Variants in MAD1L1 observed in about 807,000 individuals in gnomAD.
The protein encoded by MAD1L1 is mitotic arrest deficient 1 like 1, also known as mitotic spindle assembly checkpoint protein MAD1.
MAD1L1 carries 95 observed loss-of-function variants against 96.9 expected under a neutral mutation model. The ratio of observed to expected loss-of-function variants is 0.98; its 90% CI spans 0.83 to 1.16. The LOEUF (loss-of-function observed/expected upper bound fraction) is 1.16. Among genes scored for constraint, MAD1L1 ranks in the 50% most tolerant of loss-of-function variants. The probability of loss-of-function intolerance (pLI) is 0.00; values close to 1 mark genes in which losing one functional copy is unlikely to be tolerated. For synonymous variants in MAD1L1, 473 were observed against 396.6 expected (o/e 1.19, Z -2.29); for missense variants, 1,007 against 954.4 (o/e 1.06, Z -0.73).
chr7:2,016,560 CCCCTGCCAGGCCCTCGGTCTAT>C (rs1389559512), intron 12 of MAD1L1, among the ~76,000 whole-genome samples: 3 of 152,194 alleles, frequency 2.0e-5, no homozygotes, highest in African/African-American at 7.2e-5. Context: ...GACTGCCTGG[CCCCTGCCAGGCCCTCGGTCTAT>C]CCCCCACAGG....
intron 12 of MAD1L1, among the ~76,000 whole-genome samples, chr7:2,037,843 C>T (rs1783508347): frequency 6.6e-6 from 1 of 152,146 alleles, no homozygotes; most frequent in Admixed American, 6.5e-5. Flanking sequence ...CAATTAATAA[C>T]CCTACAACAG....
intron 10 of MAD1L1, among the ~76,000 whole-genome samples, chr7:2,193,884 C>T (rs1222057579): frequency 6.6e-6 from 1 of 150,952 alleles, no homozygotes; most frequent in Non-Finnish European, 1.5e-5. Context: ...CAGCAAAAGG[C>T]TCTGCATGGG....
At chr7:1,953,651 T>C (rs927245050) in intron 16 of MAD1L1, among the ~76,000 whole-genome samples, 2 of 152,262 alleles carry the variant, frequency 1.3e-5, no homozygotes, top group Non-Finnish European at 2.9e-5. Context: ...GGGCGAGGGA[T>C]AAAGAGATGT....
intron 18 of MAD1L1, among the ~76,000 whole-genome samples, chr7:1,878,038 T>C (rs562908013): frequency 6.6e-6 from 1 of 152,114 alleles, no homozygotes; most frequent in East Asian, 1.9e-4. Context: ...AGGATAATAA[T>C]GAATTATTAT....
At chr7:2,125,341 C>T (rs1788182238) in intron 11 of MAD1L1, among the ~76,000 whole-genome samples, 1 of 152,148 alleles carries the variant, frequency 6.6e-6, no homozygotes, top group South Asian at 2.1e-4. Flanking sequence ...AAAGAGGACA[C>T]AAGCAGCAGC....
At chr7:1,894,435 G>A (rs1054449154) in intron 18 of MAD1L1, among the ~76,000 whole-genome samples, 4 of 152,214 alleles carry the variant, frequency 2.6e-5, no homozygotes, top group African/African-American at 7.2e-5. Flanking sequence ...ACCGTGGGCT[G>A]GAGCTGAACC....
At chr7:1,822,885 G>C (rs1442034900) in intron 18 of MAD1L1, among the ~76,000 whole-genome samples, 2 of 151,966 alleles carry the variant, frequency 1.3e-5, no homozygotes, top group Non-Finnish European at 2.9e-5. Flanking sequence ...AGACAGACAT[G>C]GCTGGGGCAG....
intron 16 of MAD1L1, among the ~76,000 whole-genome samples, chr7:1,956,356 C>T (rs1779728430): frequency 1.3e-5 from 2 of 152,214 alleles, no homozygotes; most frequent in African/African-American, 4.8e-5. Flanking sequence ...CACTGCTCTG[C>T]ACTTGCTTCT....
intron 11 of MAD1L1, among the ~76,000 whole-genome samples, chr7:2,117,156 C>T (rs2128559333): frequency 6.6e-6 from 1 of 152,310 alleles, no homozygotes; most frequent in African/African-American, 2.4e-5. Flanking sequence ...CTGCAACATC[C>T]ACGTTCCCCA....
At chr7:1,832,514 A>G (rs1024078994) in intron 18 of MAD1L1, among the ~76,000 whole-genome samples, 3 of 143,660 alleles carry the variant, frequency 2.1e-5, no homozygotes, top group African/African-American at 7.8e-5. Context: ...CAAGATAGAA[A>G]GAAGTTCTAC....
chr7:1,869,475 C>A lies in MAD1L1; in HGVS notation c.1998+28725G>T, dbSNP rs555276074. On this transcript the variant is annotated intron_variant, in intron 18 of 18. Transcript: ENST00000265854. ...CGATGGCCTGCAAGAGCTCAGCCCA[C>A]GTGCAGCTGGGAGCAGGTGACCTCC... Among the ~76,000 whole-genome samples, 4 of 152,166 alleles carry A rather than the reference C, an allele frequency of 2.6e-5. No individual in the cohort carries two copies. The East Asian group carries it at 7.7e-4, about 29-fold the overall frequency.
chr7:1,999,710 C>T (rs998227616), intron 14 of MAD1L1, among the ~76,000 whole-genome samples: 2 of 152,234 alleles, frequency 1.3e-5, no homozygotes, highest in African/African-American at 4.8e-5. Flanking sequence ...GCATAAACCG[C>T]TCTCCCACTG....
chr7:2,218,953 G>A (rs564881110), intron 6 of MAD1L1, among the ~76,000 whole-genome samples: 197 of 151,210 alleles, frequency 1.3e-3, no homozygotes, highest in Non-Finnish European at 2.2e-3. Context: ...CCAGTTACTC[G>A]GGAGGCTAAG....
intron 11 of MAD1L1, among the ~76,000 whole-genome samples, chr7:2,080,953 C>G (rs1785611600): frequency 6.6e-6 from 1 of 151,930 alleles, no homozygotes; most frequent in African/African-American, 2.4e-5. Context: ...TATATCTTGG[C>G]CTCATTAACC....
intron 18 of MAD1L1, among the ~76,000 whole-genome samples, chr7:1,897,914 A>G (rs1287893352): frequency 2.0e-5 from 3 of 152,194 alleles, no homozygotes; most frequent in Non-Finnish European, 4.4e-5. Context: ...GCCCTCATGG[A>G]ACGAAGCCCA....
At chr7:1,891,487 C>T (rs1244376618) in intron 18 of MAD1L1, among the ~76,000 whole-genome samples, 3 of 152,152 alleles carry the variant, frequency 2.0e-5, no homozygotes. Context: ...AATCGCGCCA[C>T]TGCACTCCAG....
intron 15 of MAD1L1, among the ~76,000 whole-genome samples, chr7:1,962,848 G>A (rs1379208159): frequency 6.6e-6 from 1 of 152,234 alleles, no homozygotes; most frequent in East Asian, 1.9e-4. Context: ...TCAGGAGGCT[G>A]GGGTGGGAGG....
intron 18 of MAD1L1, among the ~76,000 whole-genome samples, chr7:1,873,451 G>T (rs2128658314): frequency 6.6e-6 from 1 of 152,214 alleles, no homozygotes; most frequent in East Asian, 1.9e-4. Flanking sequence ...GGGGCGGTGG[G>T]GAGGGGCAGG....
At chr7:1,847,667 C>G (rs561032662) in intron 18 of MAD1L1, 1 of 470,818 alleles carries the variant, frequency 2.1e-6, no homozygotes, top group South Asian at 1.5e-5. Flanking sequence ...TCTCCCAAAG[C>G]CTGGACGCAT....
Sources: allele counts gnomAD v4.1 joint callset (sites outside exome capture counted in the v4.1 genomes callset), GRCh38; gene constraint gnomAD v4.1.1; transcripts MANE v1.5; gene names NCBI Gene and HGNC (gene_info 2026-07-23, HGNC 2026-07-21).